LAMA2: variants seen among roughly 807,000 people sequenced by gnomAD.
LAMA2 encodes the protein laminin subunit alpha 2.
In LAMA2, 269 loss-of-function variants were observed where a neutral mutation model predicts 364.8. The ratio of observed to expected loss-of-function variants is 0.74; its 90% CI spans 0.67 to 0.82. The LOEUF is 0.82. LAMA2 is among the 40% of genes least tolerant of loss of function. The pLI is 0.00. For synonymous variants in LAMA2, 1,379 were observed against 1,370.6 expected, an observed-to-expected ratio of 1.01 and a Z score of -0.14; for missense variants, 3,807 against 3,873.2, an observed-to-expected ratio of 0.98 and a Z score of 0.45.
chr6:129,364,859 C>T (rs569253641), intron 32 of LAMA2, among the ~76,000 whole-genome samples: 1 of 152,294 alleles, frequency 6.6e-6, no homozygotes, highest in Non-Finnish European at 1.5e-5. Flanking sequence ...GGGGTGGCCT[C>T]AGGGAACTTT....
At chr6:129,033,073 C>G (rs1284031184) in intron 1 of LAMA2, among the ~76,000 whole-genome samples, 1 of 151,874 alleles carries the variant, frequency 6.6e-6, no homozygotes, top group African/African-American at 2.4e-5. Flanking sequence ...CAGAAAGATA[C>G]CTGGTCTGGA....
At chr6:128,929,045 T>C (rs1465413042) in intron 1 of LAMA2, 14 of 1,440,562 alleles carry the variant, frequency 9.7e-6, no homozygotes, top group Admixed American at 1.7e-5. Flanking sequence ...AATGGTATCC[T>C]CTAGCTGTGG....
intron 22 of LAMA2, among the ~76,000 whole-genome samples, chr6:129,304,531 A>C (rs1351711831): frequency 1.3e-5 from 2 of 152,170 alleles, no homozygotes; most frequent in African/African-American, 4.8e-5. Context: ...CCAAAATGCT[A>C]GGATTACAGG....
intron 1 of LAMA2, among the ~76,000 whole-genome samples, chr6:128,938,418 C>T (rs1358480341): frequency 6.6e-6 from 1 of 152,114 alleles, no homozygotes; most frequent in Non-Finnish European, 1.5e-5. Flanking sequence ...CTCACCACAA[C>T]CTTATAAAAA....
intron 1 of LAMA2, among the ~76,000 whole-genome samples, chr6:128,896,523 G>A (rs760306868): frequency 2.7e-4 from 41 of 151,690 alleles, no homozygotes; most frequent in South Asian, 6.2e-4. Context: ...GTAGATAATG[G>A]TATGTTTTAA....
At chr6:128,982,385 A>G (rs1239662115) in intron 1 of LAMA2, among the ~76,000 whole-genome samples, 1 of 152,156 alleles carries the variant, frequency 6.6e-6, no homozygotes, top group African/African-American at 2.4e-5. Flanking sequence ...AATTTTAGAA[A>G]TGGTTTCCTA....
chr6:129,323,085 A>G (rs1223638275), intron 28 of LAMA2, among the ~76,000 whole-genome samples: 2 of 152,184 alleles, frequency 1.3e-5, no homozygotes, highest in Non-Finnish European at 2.9e-5. Flanking sequence ...ATCTCTCATA[A>G]TAATGTACCT....
intron 5 of LAMA2, 69 bp from the exon 6 acceptor site, chr6:129,146,890 A>G: frequency 1.1e-6 from 1 of 934,832 alleles, no homozygotes; most frequent in South Asian, 1.3e-5. Context: ...TTTTTACTGA[A>G]TGTCCCCTTT....
intron 58 of LAMA2, 105 bp from the exon 59 acceptor site, chr6:129,502,554 T>G: frequency 5.1e-6 from 4 of 778,674 alleles, no homozygotes; most frequent in Non-Finnish European, 6.8e-6. Flanking sequence ...GTAGTTTTTA[T>G]TCTTAAAGAA....
At chr6:129,282,533 T>C (rs1281049592) in intron 18 of LAMA2, among the ~76,000 whole-genome samples, 1 of 152,000 alleles carries the variant, frequency 6.6e-6, no homozygotes, top group Non-Finnish European at 1.5e-5. Flanking sequence ...TATGCAAGGG[T>C]AGAGGGGAGG....
chr6:129,393,192 A>T lies in LAMA2; in HGVS notation c.5382A>T (p.Thr1794=), dbSNP rs565429072. 1.1e-5 allele frequency: 18 copies of T among 1,614,006 alleles called. No individual in the cohort carries two copies. Among genetic ancestry groups the T allele is most frequent in the Non-Finnish European group, 1.4e-5 (17 of 1,179,978 alleles). Residue 1794 remains threonine, a synonymous_variant, in exon 37 of 65, where the codon ACA becomes ACT. Coordinates refer to ENST00000421865, the MANE Select transcript of LAMA2 (RefSeq NM_000426.4). The part of the protein sequence containing the change: ...DDAWDLLREA[T]DKIREANRLF... ...CTTGGGACCTTTTGAGAGAAGCCACAGATAAAATCAGAGAAGCTAATCGCC... is the reference window on the plus strand; with the variant it reads ...CTTGGGACCTTTTGAGAGAAGCCACTGATAAAATCAGAGAAGCTAATCGCC...
At chr6:128,986,975 AT>A (rs1272866226) in intron 1 of LAMA2, among the ~76,000 whole-genome samples, 2 of 151,824 alleles carry the variant, frequency 1.3e-5, no homozygotes, top group African/African-American at 4.8e-5. Context: ...TTATCTTTCC[AT>A]TTGTTAGAAA....
intron 12 of LAMA2, among the ~76,000 whole-genome samples, chr6:129,236,234 C>T (rs531793348): frequency 3.6e-4 from 55 of 152,158 alleles, no homozygotes; most frequent in African/African-American, 1.1e-3. Flanking sequence ...TAATGTTCAC[C>T]GAGGTAAATA....
rs904678577 is a variant in LAMA2, at chr6:129,100,182, C to A, written c.639+1767C>A. On this transcript the variant is annotated intron_variant, in intron 4 of 64. Coordinates refer to ENST00000421865, the MANE Select transcript of LAMA2 (RefSeq NM_000426.4). ...AATAATGGTTCTCCATTCCTTAAACCAAGTCAGCCTGCCAATATGAAACAA... is the reference window on the plus strand; with the variant it reads ...AATAATGGTTCTCCATTCCTTAAACAAAGTCAGCCTGCCAATATGAAACAA... Among the ~76,000 whole-genome samples the A allele has an allele frequency of 2.6e-5, 4 of 152,146 alleles. No individual in the cohort carries two copies. In the East Asian group the frequency reaches 5.8e-4, roughly 22 times the overall value.
intron 3 of LAMA2, among the ~76,000 whole-genome samples, chr6:129,087,343 GATT>G (rs1774444095): frequency 6.6e-6 from 1 of 152,228 alleles, no homozygotes; most frequent in Admixed American, 6.5e-5. Context: ...CCAAGGGAAA[GATT>G]ATTAGGAATT....
At chr6:128,904,441 T>G (rs2114426869) in intron 1 of LAMA2, among the ~76,000 whole-genome samples, 1 of 150,532 alleles carries the variant, frequency 6.6e-6, no homozygotes, top group African/African-American at 2.5e-5. Flanking sequence ...GTTTCTTTAT[T>G]TTTTTCCTTT....
intron 1 of LAMA2, among the ~76,000 whole-genome samples, chr6:128,948,976 A>T (rs1173123726): frequency 6.6e-6 from 1 of 152,184 alleles, no homozygotes; most frequent in African/African-American, 2.4e-5. Context: ...AGCAGTGCAA[A>T]AAATGGCTTA....
At chr6:129,239,808 A>T (rs1488636160) in intron 12 of LAMA2, among the ~76,000 whole-genome samples, 1 of 152,162 alleles carries the variant, frequency 6.6e-6, no homozygotes, top group Non-Finnish European at 1.5e-5. Context: ...GTGCCACTGC[A>T]TCTAGCTCCA....
At chr6:128,955,576 A>T (rs1025780381) in intron 1 of LAMA2, among the ~76,000 whole-genome samples, 1 of 151,968 alleles carries the variant, frequency 6.6e-6, no homozygotes, top group Non-Finnish European at 1.5e-5. Context: ...CATAGAAAAA[A>T]ATCACATTTA....
Sources: allele counts gnomAD v4.1 joint callset (sites outside exome capture counted in the v4.1 genomes callset), GRCh38; gene constraint gnomAD v4.1.1; transcripts MANE v1.5; gene names NCBI Gene and HGNC (gene_info 2026-07-23, HGNC 2026-07-21).